The following USP53 variants were observed in gnomAD, a reference collection of about 807,000 sequenced individuals.
USP53 encodes ubiquitin specific peptidase 53, also known as ubiquitin carboxyl-terminal hydrolase 53.
Under a neutral mutation model 94.9 loss-of-function variants are expected in USP53, and 71 were observed. The observed-to-expected ratio is 0.75, with a 90% CI of 0.62 to 0.91. The LOEUF (loss-of-function observed/expected upper bound fraction) is 0.91. Among genes scored for constraint, USP53 ranks in the 40% least tolerant of loss-of-function variants. The pLI, the probability that USP53 is intolerant of heterozygous loss-of-function variation, is 0.00. For missense variants in USP53, 1,173 were observed against 1,281.0 expected, an observed-to-expected ratio of 0.92 and a Z score of 1.29; for synonymous variants, 375 against 422.7, an observed-to-expected ratio of 0.89 and a Z score of 1.39.
At chr4:119,220,560 C>G (rs1744376133) in intron 3 of USP53, 1 of 152,178 alleles carries the variant, frequency 6.6e-6, no homozygotes, top group Non-Finnish European at 1.5e-5. Flanking sequence ...CATAAGTGAA[C>G]TTCTGAGAAT....
chr4:119,293,373 A>G lies in USP53; in HGVS notation c.*162A>G. On this transcript the variant is annotated 3_prime_UTR_variant, in exon 19 of 19. Transcript: ENST00000692078. ...AATATAATAGGAACCTACTGACCAA[A>G]CCTAGTGATACATAAAATTAAAGCC... 1.4e-6 allele frequency: 1 copy of G among 728,468 alleles called. No individual in the cohort carries two copies. The highest frequency in any genetic ancestry group is 2.1e-6 in the Non-Finnish European group (1 of 471,574). The allele number at this position is 728,468 out of a possible 1,614,324, so 45.1% of individuals were successfully genotyped here. A position where few individuals can be genotyped will look rare whatever the true frequency, so the allele number is the denominator to read the frequency against.
chr4:119,215,255 A>G (rs968695349), intron 2 of USP53, among the ~76,000 whole-genome samples: 1 of 152,178 alleles, frequency 6.6e-6, no homozygotes. Context: ...GTATTATTAT[A>G]TTGTTAATTT....
At chr4:119,256,049 T>C (rs1273845260) in intron 7 of USP53, among the ~76,000 whole-genome samples, 197 bp from the exon 8 acceptor site, 1 of 152,214 alleles carries the variant, frequency 6.6e-6, no homozygotes, top group Admixed American at 6.5e-5. Flanking sequence ...AACAACATTT[T>C]CTTTCAAGCT....
At chr4:119,245,066 T>C (rs1056190122) in intron 5 of USP53, among the ~76,000 whole-genome samples, 4 of 152,162 alleles carry the variant, frequency 2.6e-5, no homozygotes, top group African/African-American at 9.7e-5. Flanking sequence ...TAATGAGGAG[T>C]TGGTTTTTCC....
chr4:119,236,158 G>C (rs1253666687), intron 4 of USP53, among the ~76,000 whole-genome samples: 1 of 152,170 alleles, frequency 6.6e-6, no homozygotes, highest in Non-Finnish European at 1.5e-5. Flanking sequence ...GCAAGTTGCA[G>C]GAATTTTTTT....
intron 13 of USP53, 64 bp from the exon 14 acceptor site, chr4:119,268,204 A>G (rs960289984): frequency 3.4e-6 from 5 of 1,451,824 alleles, no homozygotes; most frequent in Admixed American, 2.3e-5. Context: ...TCTGAAAAAA[A>G]TGATTCAAAC....
chr4:119,250,276 T>A (rs1748788955), intron 7 of USP53, among the ~76,000 whole-genome samples: 1 of 152,196 alleles, frequency 6.6e-6, no homozygotes, highest in Admixed American at 6.5e-5. Context: ...TTGTCAAGGT[T>A]CAGACTAAGT....
At chr4:119,228,115 A>G (rs1241709415) in intron 3 of USP53, among the ~76,000 whole-genome samples, 1 of 152,244 alleles carries the variant, frequency 6.6e-6, no homozygotes, top group African/African-American at 2.4e-5. Flanking sequence ...TCAGAAGTCT[A>G]GGTCGTTTTT....
In USP53 at chr4:119,227,315, A is replaced by G. The variant is rs72673794; in HGVS notation, c.-664-7975A>G. Among the ~76,000 whole-genome samples the G allele has an allele frequency of 9.1e-3, 1,371 of 150,142 alleles. 7 individuals are homozygous for G. The highest frequency in any genetic ancestry group is 0.024 in the Middle Eastern group (7 of 288). On this transcript the variant is annotated intron_variant, in intron 3 of 18. Transcript: ENST00000692078. ...CACACACACAAACTTGAAATGAATC[A>G]TAGAGCTAACCATAAGAGCCAAAAC...
At chr4:119,229,427 A>G (rs1378169858) in intron 3 of USP53, among the ~76,000 whole-genome samples, 2 of 152,178 alleles carry the variant, frequency 1.3e-5, no homozygotes, top group African/African-American at 4.8e-5. Flanking sequence ...TTGAATCTAA[A>G]TATTTACTGG....
intron 12 of USP53, among the ~76,000 whole-genome samples, chr4:119,262,734 T>C (rs1750661386): frequency 6.6e-6 from 1 of 152,206 alleles, no homozygotes; most frequent in African/African-American, 2.4e-5. Flanking sequence ...TTCAAACCTG[T>C]GTTGTTCAAG....
chr4:119,288,712 G>A (rs1020551584), intron 17 of USP53, among the ~76,000 whole-genome samples: 3 of 151,994 alleles, frequency 2.0e-5, no homozygotes, highest in African/African-American at 7.2e-5. Flanking sequence ...CGACGCTGGC[G>A]GATCACCTGA....
In USP53 at chr4:119,271,535, G is replaced by A; in HGVS notation, c.1675G>A (p.Asp559Asn). 6.2e-7 allele frequency: 1 copy of A among 1,613,708 alleles called. No homozygotes were observed. Among genetic ancestry groups the A allele is most frequent in the Admixed American group, 1.7e-5 (1 of 60,004 alleles). ...TAAGAGTGACAATGGCACTGGATAT[G>A]ACACAGACAGCAGCCAAGATTCTAG... The part of the protein sequence containing the change: ...KVKSDNGTGY[D>N]TDSSQDSRDR... The change falls in exon 16 of 19, where the codon GAC becomes AAC. Residue 559 changes from aspartate to asparagine, a missense_variant. Physicochemically the swap from Asp to Asn is conservative, Grantham distance 23. Transcript: ENST00000692078.
chr4:119,292,279 C>T, intron 18 of USP53, 59 bp from the exon 19 acceptor site: 12 of 1,437,942 alleles, frequency 8.3e-6, no homozygotes, highest in South Asian at 4.8e-5. Context: ...GTTTATTTTC[C>T]CCTAGTTTCA....
chr4:119,220,554 A>C (rs933817174), intron 3 of USP53: 2 of 152,206 alleles, frequency 1.3e-5, no homozygotes, highest in African/African-American at 4.8e-5. Flanking sequence ...ACAAGCCATA[A>C]GTGAACTTCT....
chr4:119,280,186 A>G (rs1753340456), intron 17 of USP53, among the ~76,000 whole-genome samples: 1 of 147,930 alleles, frequency 6.8e-6, no homozygotes, highest in African/African-American at 2.5e-5. Context: ...ATAGCATTAG[A>G]TTGCTTCCTT....
At chr4:119,242,674 T>G (rs2149333199) in intron 5 of USP53, among the ~76,000 whole-genome samples, 1 of 152,352 alleles carries the variant, frequency 6.6e-6, no homozygotes, top group East Asian at 1.9e-4. Context: ...TGGTCTCTGT[T>G]GTCTGCCATA....
chr4:119,256,204 G>C, intron 7 of USP53, 42 bp from the exon 8 acceptor site: 1 of 1,480,666 alleles, frequency 6.8e-7, no homozygotes, highest in Non-Finnish European at 9.3e-7. Flanking sequence ...TGTGTTCCCT[G>C]CAAGATCAAC....
chr4:119,286,397 T>A (rs994615018), intron 17 of USP53, among the ~76,000 whole-genome samples: 1 of 151,828 alleles, frequency 6.6e-6, no homozygotes, highest in Non-Finnish European at 1.5e-5. Context: ...GCGTTAAAAT[T>A]GGACTTAGAT....
Sources: gnomAD v4.1 joint callset for allele counts (sites outside exome capture counted in the v4.1 genomes callset) on GRCh38, gnomAD v4.1.1 for gene constraint, MANE v1.5 for transcripts, NCBI Gene and HGNC (gene_info 2026-07-23, HGNC 2026-07-21) for gene names.